Variants in FIGN observed in about 807,000 individuals in gnomAD.
FIGN encodes the protein fidgetin.
FIGN carries 11 observed loss-of-function variants against 51.3 expected under a neutral mutation model. The ratio of observed to expected loss-of-function variants is 0.21; its 90% confidence interval spans 0.13 to 0.35. The LOEUF is 0.35. FIGN is among the 10% of genes least tolerant of loss of function. The pLI is 1.00. For synonymous variants in FIGN, 407 were observed against 363.2 expected, an observed-to-expected ratio of 1.12 and a Z score of -1.37; for missense variants, 857 against 943.6, an observed-to-expected ratio of 0.91 and a Z score of 1.20.
chr2:163,630,043 C>T (rs554974796), intron 2 of FIGN, among the ~76,000 whole-genome samples: 80 of 146,912 alleles, frequency 5.4e-4, no homozygotes, highest in Admixed American at 1.7e-3. Context: ...TCACGGCAAC[C>T]TCAACCTCCT....
intron 2 of FIGN, among the ~76,000 whole-genome samples, chr2:163,732,915 C>T (rs1261658454): frequency 6.6e-6 from 1 of 152,176 alleles, no homozygotes; most frequent in Non-Finnish European, 1.5e-5. Flanking sequence ...TTTTAATTTG[C>T]AACAGCAGAG....
At chr2:163,624,284 A>C (rs564253321) in intron 2 of FIGN, among the ~76,000 whole-genome samples, 1 of 152,098 alleles carries the variant, frequency 6.6e-6, no homozygotes, top group Non-Finnish European at 1.5e-5. Context: ...TATTGTTATA[A>C]TTTTAAGTAG....
In FIGN at chr2:163,606,753, A is replaced by G. The variant is rs1334794821; in HGVS notation, c.*2799T>C. The G allele has an allele frequency of 6.6e-6, 1 of 152,206 alleles. No individual in the cohort carries two copies. The highest frequency in any genetic ancestry group is 1.5e-5 in the Non-Finnish European group (1 of 68,042). 9.4% of individuals were successfully genotyped at this position (152,206 alleles called of 1,614,324 possible). A position where few individuals can be genotyped will look rare whatever the true frequency, so the allele number is the denominator to read the frequency against. On this transcript the variant is annotated 3_prime_UTR_variant, in exon 3 of 3. Transcript: ENST00000333129. ...AAAGGTCAGCCATATCTCCTCCAAC[A>G]GATCTTCATTTCTTCAACATGCCCA...
intron 2 of FIGN, among the ~76,000 whole-genome samples, chr2:163,728,870 C>T (rs930351754): frequency 4.6e-5 from 7 of 152,056 alleles, no homozygotes; most frequent in Admixed American, 6.6e-5. Context: ...TTTAATTTTG[C>T]GCTGGGTCTC....
intron 2 of FIGN, among the ~76,000 whole-genome samples, chr2:163,672,529 C>T (rs982838598): frequency 2.0e-5 from 3 of 152,278 alleles, no homozygotes; most frequent in Non-Finnish European, 2.9e-5. Context: ...GTGCTCTGCA[C>T]ACAATAGGTG....
At chr2:163,638,228 A>G (rs2105314955) in intron 2 of FIGN, among the ~76,000 whole-genome samples, 1 of 151,992 alleles carries the variant, frequency 6.6e-6, no homozygotes, top group South Asian at 2.1e-4. Flanking sequence ...AAAGACTTGT[A>G]TGAGCAGGAA....
chr2:163,648,391 C>T (rs1483324797), intron 2 of FIGN, among the ~76,000 whole-genome samples: 4 of 152,182 alleles, frequency 2.6e-5, no homozygotes. Context: ...TTGAAAGAGT[C>T]TCTTTTTAAA....
chr2:163,614,355 C>T (rs1301753757), intron 2 of FIGN, among the ~76,000 whole-genome samples: 1 of 152,052 alleles, frequency 6.6e-6, no homozygotes, highest in East Asian at 1.9e-4. Context: ...GAACCAATCG[C>T]AAGTAATCAG....
chr2:163,653,143 G>C (rs1017998744), intron 2 of FIGN, among the ~76,000 whole-genome samples: 5 of 151,988 alleles, frequency 3.3e-5, no homozygotes, highest in Admixed American at 6.6e-5. Flanking sequence ...TACCTCATAG[G>C]ATTATTGTGA....
intron 2 of FIGN, among the ~76,000 whole-genome samples, chr2:163,630,342 C>T (rs957105947): frequency 2.6e-5 from 4 of 151,936 alleles, no homozygotes; most frequent in Middle Eastern, 3.2e-3. Flanking sequence ...TTCTGGATCT[C>T]CTTTCATTTT....
intron 2 of FIGN, among the ~76,000 whole-genome samples, chr2:163,650,440 T>C (rs1406059018): frequency 6.6e-6 from 1 of 152,112 alleles, no homozygotes; most frequent in African/African-American, 2.4e-5. Flanking sequence ...ATGTGCAGAA[T>C]GTGCAGGTTT....
intron 2 of FIGN, among the ~76,000 whole-genome samples, chr2:163,647,571 A>G (rs978754065): frequency 3.9e-5 from 6 of 152,152 alleles, no homozygotes; most frequent in African/African-American, 1.4e-4. Context: ...CTGGCCTCAG[A>G]TCACACAGCT....
chr2:163,732,705 T>A lies in FIGN; in HGVS notation c.25+2198A>T, dbSNP rs187898770. 1.2e-4 allele frequency among the ~76,000 whole-genome samples: 19 copies of A among 152,362 alleles called. No individual in the cohort carries two copies. The South Asian group carries it at 2.9e-3, about 23-fold the overall frequency. ...TCTTGTTGGTTCCAGGAAACATTTT[T>A]AAAAATCTATACTGGTCAAAATATC... On this transcript the variant is annotated intron_variant, in intron 2 of 2. Transcript: ENST00000333129.
chr2:163,614,492 AG>A (rs1682836019), intron 2 of FIGN, among the ~76,000 whole-genome samples: 1 of 152,184 alleles, frequency 6.6e-6, no homozygotes, highest in South Asian at 2.1e-4. Flanking sequence ...AATTATTTCT[AG>A]GGAATTTCTA....
rs549967967 is a variant in FIGN, at chr2:163,624,978, G to T, written c.26-13172C>A. ...TGGTTGCTTTGATGTTAGATTTATT[G>T]CAATAATCTCTTTTTTTCTATTTTA... is the stretch of plus-strand genomic sequence containing the variant. On this transcript the variant is annotated intron_variant, in intron 2 of 2. Transcript: ENST00000333129. 2.0e-5 allele frequency among the ~76,000 whole-genome samples: 3 copies of T among 151,946 alleles called. No homozygotes were observed. The East Asian group carries it at 5.8e-4, about 29-fold the overall frequency.
At chr2:163,621,495 G>A (rs919816151) in intron 2 of FIGN, among the ~76,000 whole-genome samples, 2 of 152,120 alleles carry the variant, frequency 1.3e-5, no homozygotes, top group African/African-American at 4.8e-5. Context: ...GTTTTGGTAG[G>A]TTACGTGTTG....
At position 163,609,696 on chromosome 2, in the gene FIGN, G is replaced by T; in HGVS notation, c.2136C>A (p.Asp712Glu). Residue 712 changes from aspartate to glutamate, a missense_variant, in exon 3 of 3, where the codon GAC becomes GAA. Physicochemically the swap from Asp to Glu is conservative, Grantham distance 45. Transcript: ENST00000333129. ...VGPLHAMPAT[D>E]LSAIMPSQLR... Reference sequence around the variant, plus strand: ...ACTGGCTGGGCATAATGGCTGAAAGGTCTGTGGCTGGCATGGCATGGAGGG... The same window carrying T: ...ACTGGCTGGGCATAATGGCTGAAAGTTCTGTGGCTGGCATGGCATGGAGGG... The T allele has an allele frequency of 6.2e-7, 1 of 1,614,094 alleles. No individual in the cohort carries two copies. The highest frequency in any genetic ancestry group is 8.5e-7 in the Non-Finnish European group (1 of 1,180,018).
chr2:163,624,708 A>ATATATATATATATATT (rs564288395), intron 2 of FIGN, among the ~76,000 whole-genome samples: 1 of 145,494 alleles, frequency 6.9e-6, no homozygotes, highest in African/African-American at 2.5e-5. Flanking sequence ...ATATATATAT[A>ATATATATATATATATT]TTTTTTTTTT....
chr2:163,699,867 A>C (rs1388450504), intron 2 of FIGN, among the ~76,000 whole-genome samples: 1 of 152,170 alleles, frequency 6.6e-6, no homozygotes, highest in African/African-American at 2.4e-5. Context: ...TGAATGAACC[A>C]TTTGTAATAT....
Sources: allele counts gnomAD v4.1 joint callset (sites outside exome capture counted in the v4.1 genomes callset), GRCh38; gene constraint gnomAD v4.1.1; transcripts MANE v1.5; gene names NCBI Gene and HGNC (gene_info 2026-07-23, HGNC 2026-07-21).